Variants in DNAJC10 observed in about 807,000 individuals in gnomAD.
DNAJC10 encodes DnaJ heat shock protein family (Hsp40) member C10, also known as endoplasmic reticulum disulfide reductase DNAJC10.
Under a neutral mutation model 115.0 loss-of-function variants are expected in DNAJC10, and 101 were observed. That is an observed-to-expected ratio of 0.88 (90% CI 0.75 to 1.04). DNAJC10 has a LOEUF of 1.04. Among genes scored for constraint, DNAJC10 ranks in the 50% least tolerant of loss-of-function variants. DNAJC10 has a pLI of 0.00. For synonymous variants in DNAJC10, 307 were observed against 301.5 expected, an observed-to-expected ratio of 1.02 and a Z score of -0.19; for missense variants, 981 against 928.8, an observed-to-expected ratio of 1.06 and a Z score of -0.73.
At chr2:182,767,267 G>A (rs1694438150) in intron 22 of DNAJC10, among the ~76,000 whole-genome samples, 1 of 152,126 alleles carries the variant, frequency 6.6e-6, no homozygotes, top group South Asian at 2.1e-4. Flanking sequence ...CTCTTTTCAG[G>A]CAGTGACCTA....
In DNAJC10 at chr2:182,768,817, A is replaced by G. The variant is rs571796068; in HGVS notation, c.2265+6016A>G. ...GGAATGAGTTCGGTCCTCTGGGAAC[A>G]TCTTTTTGTTTGTTTGTTTTAATTA... On this transcript the variant is annotated intron_variant, in intron 22 of 23. Transcript: ENST00000264065. 3.3e-5 allele frequency among the ~76,000 whole-genome samples: 5 copies of G among 152,160 alleles called. No individual in the cohort carries two copies. The South Asian group carries it at 6.2e-4, about 19-fold the overall frequency.
intron 11 of DNAJC10, among the ~76,000 whole-genome samples, chr2:182,739,357 TAG>T (rs1354617035): frequency 8.6e-5 from 13 of 151,456 alleles, no homozygotes; most frequent in Non-Finnish European, 1.9e-4. Flanking sequence ...TTCTCATGTC[TAG>T]CATGATTAAA....
In DNAJC10 at chr2:182,788,853, G is replaced by A. The variant is rs1179129755; in HGVS notation, c.*11721G>A. 8 of 454,770 alleles carry A rather than the reference G, an allele frequency of 1.8e-5. No homozygotes were observed. The highest frequency in any genetic ancestry group is 4.0e-5 in the African/African-American group (2 of 49,926). The allele number at this position is 454,770 out of a possible 1,614,324, so 28.2% of individuals were successfully genotyped here. ...ATTTTTTGGGGAAGAGAGATTTCAC[G>A]TTAAAGGTCATTTTGTGTCTTCTTT... On this transcript the variant is annotated 3_prime_UTR_variant, in exon 24 of 24. Transcript: ENST00000264065.
chr2:182,779,020 T>TA lies in DNAJC10; in HGVS notation c.*1889dup. ...TTTGTCATTGAGCTCATAAGGTACTTACATTACTACCTATAAATGTTTCCT... is the reference window on the plus strand; with the variant it reads ...TTTGTCATTGAGCTCATAAGGTACTTAACATTACTACCTATAAATGTTTCCT... On this transcript the variant is annotated 3_prime_UTR_variant, in exon 24 of 24. Transcript: ENST00000264065. The TA allele has an allele frequency of 6.6e-6, 1 of 152,210 alleles. No individual in the cohort carries two copies. Among genetic ancestry groups the TA allele is most frequent in the East Asian group, 1.9e-4 (1 of 5,202 alleles). 9.4% of individuals were successfully genotyped at this position (152,210 alleles called of 1,614,324 possible). A position where few individuals can be genotyped will look rare whatever the true frequency, so the allele number is the denominator to read the frequency against.
chr2:182,769,041 G>C (rs1178175227), intron 22 of DNAJC10, among the ~76,000 whole-genome samples: 1 of 152,004 alleles, frequency 6.6e-6, no homozygotes, highest in Non-Finnish European at 1.5e-5. Flanking sequence ...TGATCTCATT[G>C]TTCAATTCCC....
rs1695034163 is a variant in DNAJC10, at chr2:182,790,724, G to T, written c.*13592G>T. The T allele has an allele frequency of 6.6e-6, 1 of 151,114 alleles. No individual in the cohort carries two copies. The highest frequency in any genetic ancestry group is 1.5e-5 in the Non-Finnish European group (1 of 67,978). The allele number at this position is 151,114 out of a possible 1,614,324, so 9.4% of individuals were successfully genotyped here. On this transcript the variant is annotated 3_prime_UTR_variant, in exon 24 of 24. Coordinates refer to ENST00000264065, the MANE Select transcript of DNAJC10 (RefSeq NM_018981.4). ...AAATCGCTTGAACCCGGGAGGCAGA[G>T]GTTACAGTGAGCTGAGGTCACGTCA... is the stretch of plus-strand genomic sequence containing the variant.
intron 5 of DNAJC10, among the ~76,000 whole-genome samples, chr2:182,724,948 G>A (rs546524315): frequency 1.3e-5 from 2 of 152,202 alleles, no homozygotes; most frequent in East Asian, 3.9e-4. Flanking sequence ...GCACTTCATA[G>A]ATAATGCACT....
chr2:182,768,540 GA>G (rs1694475020), intron 22 of DNAJC10, among the ~76,000 whole-genome samples: 1 of 152,150 alleles, frequency 6.6e-6, no homozygotes, highest in South Asian at 2.1e-4. Context: ...GGAGTAAGGA[GA>G]AACACAAACC....
At chr2:182,748,520 A>G (rs887291000) in intron 14 of DNAJC10, among the ~76,000 whole-genome samples, 1 of 152,114 alleles carries the variant, frequency 6.6e-6, no homozygotes, top group South Asian at 2.1e-4. Context: ...ATTTGCGTAG[A>G]GGTGTTTGTA....
At chr2:182,723,803 C>T (rs1356298827) in intron 5 of DNAJC10, among the ~76,000 whole-genome samples, 1 of 152,124 alleles carries the variant, frequency 6.6e-6, no homozygotes, top group Non-Finnish European at 1.5e-5. Context: ...TGTCACTATG[C>T]AGAAAAGCTT....
At chr2:182,725,886 A>T (rs1313980695) in intron 5 of DNAJC10, among the ~76,000 whole-genome samples, 1 of 152,170 alleles carries the variant, frequency 6.6e-6, no homozygotes, top group Non-Finnish European at 1.5e-5. Flanking sequence ...CTTTTTTTTC[A>T]TGCCTGCTAA....
At chr2:182,723,618 T>C (rs1693210106) in intron 5 of DNAJC10, among the ~76,000 whole-genome samples, 1 of 152,178 alleles carries the variant, frequency 6.6e-6, no homozygotes, top group Non-Finnish European at 1.5e-5. Flanking sequence ...TGGTTTTTAT[T>C]GTCTCTCATC....
Position 182,792,031 on chromosome 2 carries a change from G to C in DNAJC10, c.*14899G>C. 6.6e-6 allele frequency: 1 copy of C among 152,228 alleles called. No homozygotes were observed. Among genetic ancestry groups the C allele is most frequent in the East Asian group, 1.9e-4 (1 of 5,182 alleles). 9.4% of individuals were successfully genotyped at this position (152,228 alleles called of 1,614,324 possible). On this transcript the variant is annotated 3_prime_UTR_variant, in exon 24 of 24. Transcript: ENST00000264065. ...TAAGTTCAGTCCTGTTGATTAGTAT[G>C]TTTCCCTGTCCTAGAGTGCATGAAC...
At chr2:182,741,471 A>G (rs927509819) in intron 13 of DNAJC10, 115 bp downstream of exon 13, 6 of 519,528 alleles carry the variant, frequency 1.2e-5, no homozygotes, top group Admixed American at 4.1e-5. Flanking sequence ...TAAGAAGCCT[A>G]TAAGTGCTTT....
rs1371990579 is a variant in DNAJC10, at chr2:182,785,679, AAAAAG to A, written c.*8552_*8556del. On this transcript the variant is annotated 3_prime_UTR_variant, in exon 24 of 24. Transcript: ENST00000264065. ...GAAAGGTATCGTATAGCTTAAAAGG[AAAAAG>A]AAAAAGAGGCTTTTCAGTCATGAGC... 5 of 152,144 alleles carry A rather than the reference AAAAAG, an allele frequency of 3.3e-5. No individual in the cohort carries two copies. The highest frequency in any genetic ancestry group is 7.4e-5 in the Non-Finnish European group (5 of 68,010). 9.4% of individuals were successfully genotyped at this position (152,144 alleles called of 1,614,324 possible).
intron 22 of DNAJC10, among the ~76,000 whole-genome samples, chr2:182,770,717 TGGG>T (rs1553494850): frequency 6.6e-6 from 1 of 152,192 alleles, no homozygotes; most frequent in Non-Finnish European, 1.5e-5. Context: ...GCTGAGATGA[TGGG>T]GTTTTCTAAA....
Position 182,781,297 on chromosome 2 carries a change from A to G in DNAJC10, c.*4165A>G, listed in dbSNP as rs1471551679. On this transcript the variant is annotated 3_prime_UTR_variant, in exon 24 of 24. Transcript: ENST00000264065. ...CTGTCCCTGCAAAGGACATGAACGC[A>G]TCCTTTTTTATGGCTGCATAGTATT... 4 of 152,174 alleles carry G rather than the reference A, an allele frequency of 2.6e-5. No homozygotes were observed. The highest frequency in any genetic ancestry group is 7.2e-5 in the African/African-American group (3 of 41,438). The allele number at this position is 152,174 out of a possible 1,614,324, so 9.4% of individuals were successfully genotyped here.
chr2:182,741,221 T>G, intron 12 of DNAJC10, 22 bp from the exon 13 acceptor site: 1 of 1,499,098 alleles, frequency 6.7e-7, no homozygotes, highest in Admixed American at 1.8e-5. Flanking sequence ...TCTGACATTT[T>G]GTTTTCTTTA....
Position 182,728,911 on chromosome 2 carries a change from G to C in DNAJC10, c.550G>C (p.Val184Leu), listed in dbSNP as rs141962408. ...EVDGLLRIGA[V>L]NCGDDRMLCR... ...GGATGGGTTACTTCGAATTGGAGCT[G>C]TTAACTGTGGTGATGATAGAATGCT... Residue 184 changes from valine (V) to leucine (L), a missense_variant, in exon 7 of 24, where the codon GTT becomes CTT. By Grantham distance (32) the Val-to-Leu change is conservative. Transcript: ENST00000264065. 6.2e-7 allele frequency: 1 copy of C among 1,613,994 alleles called. No individual in the cohort carries two copies. Among genetic ancestry groups the C allele is most frequent in the Non-Finnish European group, 8.5e-7 (1 of 1,179,924 alleles).
Sources: gnomAD v4.1 joint callset for allele counts (sites outside exome capture counted in the v4.1 genomes callset) on GRCh38, gnomAD v4.1.1 for gene constraint, MANE v1.5 for transcripts, NCBI Gene and HGNC (gene_info 2026-07-23, HGNC 2026-07-21) for gene names.